The following SCAPER variants were observed in gnomAD, a reference collection of about 807,000 sequenced individuals.
The protein encoded by SCAPER is S phase cyclin A-associated protein in the endoplasmic reticulum.
Under a neutral mutation model 182.2 loss-of-function variants are expected in SCAPER, and 98 were observed. The observed-to-expected ratio is 0.54, with a 90% CI of 0.46 to 0.64. The LOEUF is 0.64. Ranked by LOEUF, SCAPER falls within the 30% of genes least tolerant of loss-of-function variation. The probability of loss-of-function intolerance (pLI) is 0.00; values close to 1 mark genes in which losing one functional copy is unlikely to be tolerated. For missense variants in SCAPER, 1,432 were observed against 1,690.0 expected, an observed-to-expected ratio of 0.85 and a Z score of 2.68; for synonymous variants, 605 against 564.6, an observed-to-expected ratio of 1.07 and a Z score of -1.01.
At chr15:76,355,471 T>C (rs1372396434) in intron 29 of SCAPER, among the ~76,000 whole-genome samples, 3 of 152,244 alleles carry the variant, frequency 2.0e-5, no homozygotes, top group Non-Finnish European at 4.4e-5. Flanking sequence ...ATTTTAACTA[T>C]TAGCTGCAAA....
intron 20 of SCAPER, among the ~76,000 whole-genome samples, chr15:76,679,225 A>G (rs904310407): frequency 1.3e-5 from 2 of 152,186 alleles, no homozygotes; most frequent in African/African-American, 4.8e-5. Context: ...AATTTGTCAG[A>G]GGTGGGCTCA....
rs1291293433 is a variant in SCAPER, at chr15:76,701,865, T to C, written c.2401A>G (p.Ile801Val). 2.5e-6 allele frequency: 4 copies of C among 1,609,544 alleles called. No individual in the cohort carries two copies. The African/African-American group carries it at 5.3e-5, about 22-fold the overall frequency. Residue 801 changes from isoleucine to valine, a missense_variant and splice_region_variant, in exon 20 of 32, where the codon ATC (isoleucine) becomes GTC (valine). By Grantham distance (29) the Ile-to-Val change is conservative. Coordinates refer to ENST00000563290, the MANE Select transcript of SCAPER (RefSeq NM_020843.4). ...KKQCSLCNVLISSEVYLFSHV... is the reference protein window; with the variant it reads ...KKQCSLCNVLVSSEVYLFSHV... ...CTAAAAAGATATACCTCTGAAGAGATCTGAAAGCACAAAATCAAAGCAATG... is the reference window on the plus strand; with the variant it reads ...CTAAAAAGATATACCTCTGAAGAGACCTGAAAGCACAAAATCAAAGCAATG...
chr15:76,630,872 T>C (rs1304671716), intron 21 of SCAPER, among the ~76,000 whole-genome samples: 6 of 152,204 alleles, frequency 3.9e-5, no homozygotes, highest in Non-Finnish European at 7.3e-5. Context: ...GTCTTGATGA[T>C]CTGTCTGATA....
Position 76,597,205 on chromosome 15 carries a change from A to G in SCAPER, c.2712-22921T>C, listed in dbSNP as rs1254408819. On this transcript the variant is annotated intron_variant, in intron 22 of 31. Transcript: ENST00000563290. ...AATCATGAGTGAACTCCCATTCACA[A>G]TTGCTACAAAGAGAATAAAATACCT... Among the ~76,000 whole-genome samples, 2 of 121,166 alleles carry G rather than the reference A, an allele frequency of 1.7e-5. 1 individual carries two copies. Among genetic ancestry groups the G allele is most frequent in the African/African-American group, 5.0e-5 (2 of 39,764 alleles). 79.5% of individuals were successfully genotyped at this position (121,166 alleles called of 152,430 possible).
rs141889751 is a variant in SCAPER, at chr15:76,719,330, A to T, written c.2165+9265T>A. Among the ~76,000 whole-genome samples, 79 of 152,126 alleles carry T rather than the reference A, an allele frequency of 5.2e-4. 1 individual carries two copies. The highest frequency in any genetic ancestry group is 1.8e-3 in the African/African-American group (73 of 41,514). ...TGATCTCACTTATATGTGAAATCTTAAAAAAAATTCAATTATACAGAGATA... is the reference window on the plus strand; with the variant it reads ...TGATCTCACTTATATGTGAAATCTTTAAAAAAATTCAATTATACAGAGATA... On this transcript the variant is annotated intron_variant, in intron 17 of 31. Transcript: ENST00000563290.
At chr15:76,482,528 C>T (rs1025537719) in intron 24 of SCAPER, among the ~76,000 whole-genome samples, 2 of 151,998 alleles carry the variant, frequency 1.3e-5, no homozygotes, top group Non-Finnish European at 2.9e-5. Flanking sequence ...AAAGGAAATA[C>T]AAGATACATA....
chr15:76,673,952 TACACACACACACACACACAC>T, intron 20 of SCAPER, among the ~76,000 whole-genome samples: 1 of 146,464 alleles, frequency 6.8e-6, no homozygotes, highest in Middle Eastern at 3.5e-3. Context: ...AATTTATCTA[TACACACACACACACACACAC>T]ACACACACAC....
chr15:76,567,475 G>T, intron 23 of SCAPER: 1 of 351,916 alleles, frequency 2.8e-6, no homozygotes, highest in South Asian at 2.3e-5. Context: ...CTACATGGTA[G>T]GCTCAACTTA....
chr15:76,812,971 A>G (rs1327602202), intron 5 of SCAPER, among the ~76,000 whole-genome samples: 2 of 151,148 alleles, frequency 1.3e-5, no homozygotes, highest in South Asian at 4.2e-4. Flanking sequence ...TATCAAAGTC[A>G]GAAAAAGATA....
At chr15:76,639,910 C>T (rs1335727746) in intron 21 of SCAPER, among the ~76,000 whole-genome samples, 1 of 152,130 alleles carries the variant, frequency 6.6e-6, no homozygotes, top group Non-Finnish European at 1.5e-5. Flanking sequence ...CTTGTATTGA[C>T]TCATCCTTTA....
At chr15:76,655,265 T>G (rs2055529125) in intron 21 of SCAPER, among the ~76,000 whole-genome samples, 1 of 152,082 alleles carries the variant, frequency 6.6e-6, no homozygotes. Context: ...ATTTCAAGAA[T>G]TAAGAGCAGA....
chr15:76,386,179 A>C (rs1299637061), intron 27 of SCAPER, among the ~76,000 whole-genome samples: 1 of 152,226 alleles, frequency 6.6e-6, no homozygotes, highest in African/African-American at 2.4e-5. Flanking sequence ...CCTTGTAATT[A>C]CATTGTGATT....
At chr15:76,685,334 A>G (rs2057974525) in intron 20 of SCAPER, among the ~76,000 whole-genome samples, 1 of 151,996 alleles carries the variant, frequency 6.6e-6, no homozygotes, top group Admixed American at 6.5e-5. Flanking sequence ...AAAAAAAAAA[A>G]GTAAATTTGA....
chr15:76,818,917 A>T (rs2067297010), intron 5 of SCAPER, among the ~76,000 whole-genome samples: 1 of 152,248 alleles, frequency 6.6e-6, no homozygotes, highest in Non-Finnish European at 1.5e-5. Context: ...CAGGCTTAAC[A>T]AACGGCACAC....
chr15:76,377,100 C>T (rs1421653231), intron 28 of SCAPER, among the ~76,000 whole-genome samples: 1 of 152,166 alleles, frequency 6.6e-6, no homozygotes, highest in Admixed American at 6.5e-5. Flanking sequence ...CCACTGCTGG[C>T]CTGTGGGAAA....
intron 23 of SCAPER, among the ~76,000 whole-genome samples, chr15:76,548,806 A>G (rs910973463): frequency 1.3e-5 from 2 of 152,238 alleles, no homozygotes; most frequent in Admixed American, 6.5e-5. Context: ...AAGATGGACT[A>G]AAGACCTAAA....
Position 76,883,883 on chromosome 15 carries a change from TA to T in SCAPER, c.-59-8del. 2.6e-6 allele frequency: 3 copies of T among 1,169,196 alleles called. No homozygotes were observed. Among genetic ancestry groups the T allele is most frequent in the East Asian group, 5.4e-5 (2 of 37,112 alleles). 72.4% of individuals were successfully genotyped at this position (1,169,196 alleles called of 1,614,324 possible). The stretch of plus-strand genomic sequence containing the variant: ...AACCCATGGAGTATGACTCCTACAA[TA>T]AAAAATATATATACGCTTAGTTATA... On this transcript the variant is annotated splice_polypyrimidine_tract_variant and splice_region_variant and intron_variant, in intron 1 of 31. Coordinates refer to ENST00000563290, the MANE Select transcript of SCAPER (RefSeq NM_020843.4).
chr15:76,431,704 A>AAAAAAAAAAAAAAAT (rs61401621), intron 26 of SCAPER, among the ~76,000 whole-genome samples: 2 of 127,514 alleles, frequency 1.6e-5, no homozygotes, highest in South Asian at 2.5e-4. Flanking sequence ...AAAAAAAAAA[A>AAAAAAAAAAAAAAAT]TGCTTTGTTT....
intron 30 of SCAPER, among the ~76,000 whole-genome samples, chr15:76,353,055 T>C (rs1486152666): frequency 1.3e-5 from 2 of 152,174 alleles, no homozygotes; most frequent in African/African-American, 2.4e-5. Flanking sequence ...TTGTCTAAGA[T>C]GAAGAGGGCT....
Sources: allele counts gnomAD v4.1 joint callset (sites outside exome capture counted in the v4.1 genomes callset), GRCh38; gene constraint gnomAD v4.1.1; transcripts MANE v1.5; gene names NCBI Gene and HGNC (gene_info 2026-07-23, HGNC 2026-07-21).